The following PCM1 variants were observed in gnomAD, a reference collection of about 807,000 sequenced individuals.
PCM1 encodes pericentriolar material 1 protein.
A neutral mutation model predicts 241.9 loss-of-function variants in PCM1; 157 were observed. The ratio of observed to expected loss-of-function variants is 0.65; its 90% CI spans 0.57 to 0.74. The LOEUF is 0.74. PCM1 is among the 30% of genes least tolerant of loss of function. PCM1 has a pLI of 0.00. For synonymous variants in PCM1, 1,085 were observed against 784.9 expected (o/e 1.38, Z -6.39); for missense variants, 3,478 against 2,360.1 (o/e 1.47, Z -9.81).
At chr8:17,993,242 A>AT (rs1022626773) in intron 28 of PCM1, among the ~76,000 whole-genome samples, 11 of 152,098 alleles carry the variant, frequency 7.2e-5, no homozygotes, top group African/African-American at 2.2e-4. Context: ...TTGAAGGTAT[A>AT]TTTTTTATTG....
chr8:17,997,861 C>T (rs1212911604), intron 29 of PCM1, among the ~76,000 whole-genome samples: 4 of 148,748 alleles, frequency 2.7e-5, no homozygotes, highest in Non-Finnish European at 5.9e-5. Flanking sequence ...CCCGCCTCTA[C>T]TACAACATAC....
rs1261611929 is a variant in PCM1, at chr8:17,938,944, C to T, written c.547C>T (p.Leu183Phe). The change falls in exon 5 of 39, where the codon CTC (leucine) becomes TTC (phenylalanine). Residue 183 changes from leucine to phenylalanine, a missense_variant. Coordinates refer to ENST00000325083, the MANE Select transcript of PCM1 (RefSeq NM_006197.4). ...GTTTGCTTCTGCTTTAAGTAATGACCTCTTGCAAAACTGTCAGGTGTCTGA... is the reference window on the plus strand; with the variant it reads ...GTTTGCTTCTGCTTTAAGTAATGACTTCTTGCAAAACTGTCAGGTGTCTGA... ...ELFASALSND[L>F]LQNCQVSEED... is the part of the protein sequence containing the mutation. 6.8e-6 allele frequency: 11 copies of T among 1,613,550 alleles called. No homozygotes were observed. The highest frequency in any genetic ancestry group is 9.3e-6 in the Non-Finnish European group (11 of 1,179,632).
chr8:17,930,637 G>C (rs146837077), intron 2 of PCM1, among the ~76,000 whole-genome samples: 5,088 of 151,940 alleles, frequency 0.033, 108 homozygotes, highest in Admixed American at 0.05. Flanking sequence ...CCAGCACTTT[G>C]GGAGGCCGAG....
At chr8:17,963,452 C>T (rs2073454539) in intron 17 of PCM1, among the ~76,000 whole-genome samples, 161 bp downstream of exon 17, 1 of 152,182 alleles carries the variant, frequency 6.6e-6, no homozygotes, top group African/African-American at 2.4e-5. Flanking sequence ...TAATTGAATC[C>T]AGCCACTTTC....
intron 23 of PCM1, 60 bp downstream of exon 23, chr8:17,972,747 A>G (rs2077254142): frequency 1.0e-6 from 1 of 995,090 alleles, no homozygotes; most frequent in East Asian, 2.6e-5. Context: ...TTACTTTGAC[A>G]TGTTGACATA....
intron 24 of PCM1, among the ~76,000 whole-genome samples, chr8:17,984,687 A>G (rs567695315): frequency 2.7e-4 from 41 of 152,064 alleles, no homozygotes; most frequent in Middle Eastern, 6.8e-3. Context: ...TGAAAGCGCA[A>G]TGTATTAAGA....
At chr8:17,980,034 T>G (rs2080154822) in intron 23 of PCM1, among the ~76,000 whole-genome samples, 1 of 151,806 alleles carries the variant, frequency 6.6e-6, no homozygotes, top group Non-Finnish European at 1.5e-5. Flanking sequence ...AGAGGGTAGG[T>G]ATAGCCACCT....
At chr8:17,946,338 C>G (rs1202560729) in intron 6 of PCM1, among the ~76,000 whole-genome samples, 1 of 152,028 alleles carries the variant, frequency 6.6e-6, no homozygotes, top group African/African-American at 2.4e-5. Flanking sequence ...TCTTAGATGT[C>G]TGATAATATG....
chr8:17,989,940 G>C lies in PCM1; in HGVS notation c.4492G>C (p.Val1498Leu), dbSNP rs1394360058. 1.3e-6 allele frequency: 2 copies of C among 1,539,750 alleles called. No homozygotes were observed. Among genetic ancestry groups the C allele is most frequent in the Admixed American group, 2.0e-5 (1 of 49,974 alleles). ...TGCTGATAATGCTAGTGTCCTGTCTGTATCATCAAATTTTGAGCCTTTTGC... is the reference window on the plus strand; with the variant it reads ...TGCTGATAATGCTAGTGTCCTGTCTCTATCATCAAATTTTGAGCCTTTTGC... ...NDADNASVLS[V>L]SSNFEPFATD... The change falls in exon 27 of 39, where the codon GTA becomes CTA. Residue 1498 changes from valine to leucine, a missense_variant. Coordinates refer to ENST00000325083, the MANE Select transcript of PCM1 (RefSeq NM_006197.4).
At chr8:17,961,529 T>C (rs990245593) in intron 15 of PCM1, among the ~76,000 whole-genome samples, 7 of 152,114 alleles carry the variant, frequency 4.6e-5, no homozygotes, top group Non-Finnish European at 7.4e-5. Flanking sequence ...GCCAAGATGG[T>C]CTCAGTCTCC....
At position 17,947,273 on chromosome 8, in the gene PCM1, G is replaced by A; in HGVS notation, c.871G>A (p.Glu291Lys). The A allele has an allele frequency of 6.2e-7, 1 of 1,611,160 alleles. No homozygotes were observed. The highest frequency in any genetic ancestry group is 8.5e-7 in the Non-Finnish European group (1 of 1,177,598). The change falls in exon 7 of 39, where the codon GAG becomes AAG. Residue 291 changes from glutamate to lysine, a missense_variant. Coordinates refer to ENST00000325083, the MANE Select transcript of PCM1 (RefSeq NM_006197.4). ...DLLKRMLQQQEQLRALQGRQA... is the reference protein window; with the variant it reads ...DLLKRMLQQQKQLRALQGRQA... ...ATTAAAAAGAATGTTACAACAGCAG[G>A]AGCAACTAAGAGCTCTACAGGGACG...
chr8:17,972,431 A>G lies in PCM1; in HGVS notation c.3687A>G (p.Ser1229=), dbSNP rs768040117. Residue 1229 remains serine (S), a synonymous_variant, in exon 23 of 39, where the codon TCA becomes TCG. Transcript: ENST00000325083. The stretch of plus-strand genomic sequence containing the variant: ...AACCATTTATCAAGACTGGATTTTC[A>G]GTGTCTGTAGAAAAATCTACAAGTA... ...VEKPFIKTGF[S]VSVEKSTSSN... The G allele has an allele frequency of 4.3e-6, 7 of 1,612,730 alleles. No individual in the cohort carries two copies. The African/African-American group carries it at 6.7e-5, about 15-fold the overall frequency.
Position 18,028,773 on chromosome 8 carries a change from G to T in PCM1, c.*1111G>T. The T allele has an allele frequency of 5.2e-6, 1 of 192,446 alleles. No homozygotes were observed. The highest frequency in any genetic ancestry group is 1.1e-5 in the Non-Finnish European group (1 of 91,948). 11.9% of individuals were successfully genotyped at this position (192,446 alleles called of 1,614,324 possible). A position where few individuals can be genotyped will look rare whatever the true frequency, so the allele number is the denominator to read the frequency against. On this transcript the variant is annotated 3_prime_UTR_variant, in exon 39 of 39. Transcript: ENST00000325083. ...TCTTCTTCCTCGAATAAAATACAAA[G>T]AATTAGTTCCAATAAGTATTTTAAC...
At position 17,969,767 on chromosome 8, in the gene PCM1, CTT is replaced by C; in HGVS notation, c.3584+22_3584+23del. ...AACCAAGGTACTGATTGTAAACAGT[CTT>C]TTATTGCTTAAACATTCACTTTTGT... On this transcript the variant is annotated intron_variant, in intron 22 of 38. Coordinates refer to ENST00000325083, the MANE Select transcript of PCM1 (RefSeq NM_006197.4). 1 of 1,539,504 alleles carries C rather than the reference CTT, an allele frequency of 6.5e-7. No individual in the cohort carries two copies. The highest frequency in any genetic ancestry group is 8.9e-7 in the Non-Finnish European group (1 of 1,119,978).
chr8:17,923,690 G>C (rs556530443), intron 1 of PCM1, among the ~76,000 whole-genome samples: 2 of 152,288 alleles, frequency 1.3e-5, no homozygotes, highest in East Asian at 1.9e-4. Flanking sequence ...ACTCTGAAGA[G>C]TTGCAGTTGG....
chr8:17,942,092 T>A (rs1321224528), intron 6 of PCM1, among the ~76,000 whole-genome samples: 1 of 152,250 alleles, frequency 6.6e-6, no homozygotes, highest in Non-Finnish European at 1.5e-5. Flanking sequence ...ATGTAATTTA[T>A]TCCCTTTTTT....
intron 38 of PCM1, among the ~76,000 whole-genome samples, chr8:18,026,606 A>T (rs551022114): frequency 3.3e-5 from 5 of 152,204 alleles, no homozygotes; most frequent in African/African-American, 1.2e-4. Flanking sequence ...AGGAGACTAT[A>T]ACTCTAAATA....
Position 17,964,554 on chromosome 8 carries a change from C to G in PCM1, c.2655-14C>G. Reference sequence around the variant, plus strand: ...CTCCAGAATGACATCTGTTTTATGTCTCTTAATCACTAGAACGATGGCAAC... The same window carrying G: ...CTCCAGAATGACATCTGTTTTATGTGTCTTAATCACTAGAACGATGGCAAC... On this transcript the variant is annotated splice_polypyrimidine_tract_variant and intron_variant, in intron 17 of 38. Transcript: ENST00000325083. The G allele has an allele frequency of 6.2e-7, 1 of 1,605,270 alleles. No homozygotes were observed. Among genetic ancestry groups the G allele is most frequent in the Non-Finnish European group, 8.5e-7 (1 of 1,173,552 alleles).
intron 6 of PCM1, among the ~76,000 whole-genome samples, chr8:17,946,396 T>C (rs1477387670): frequency 1.3e-5 from 2 of 152,218 alleles, no homozygotes; most frequent in African/African-American, 2.4e-5. Flanking sequence ...AAATAAAAAA[T>C]GTATTTTTAA....
Sources: gnomAD v4.1 joint callset for allele counts (sites outside exome capture counted in the v4.1 genomes callset) on GRCh38, gnomAD v4.1.1 for gene constraint, MANE v1.5 for transcripts, NCBI Gene and HGNC (gene_info 2026-07-23, HGNC 2026-07-21) for gene names.